Variants in RAPGEF6 observed in about 807,000 individuals in gnomAD.
The protein encoded by RAPGEF6 is Rap guanine nucleotide exchange factor 6, also known as PDZ domain containing guanine nucleotide exchange factor (GEF) 2.
In RAPGEF6, 56 loss-of-function variants were observed where a neutral mutation model predicts 171.4. The observed-to-expected ratio is 0.33, with a 90% CI of 0.26 to 0.41. The LOEUF is 0.41. Among genes scored for constraint, RAPGEF6 ranks in the 10% least tolerant of loss-of-function variants. The probability of loss-of-function intolerance (pLI) is 1.00; values close to 1 mark genes in which losing one functional copy is unlikely to be tolerated. For missense variants in RAPGEF6, 1,674 were observed against 1,921.4 expected (o/e 0.87, Z 2.41); for synonymous variants, 692 against 650.1 (o/e 1.06, Z -0.98).
At chr5:131,624,190 A>G (rs1765766667) in intron 1 of RAPGEF6, among the ~76,000 whole-genome samples, 1 of 152,244 alleles carries the variant, frequency 6.6e-6, no homozygotes, top group Non-Finnish European at 1.5e-5. Context: ...GGTCCACACA[A>G]GAATCCCAAA....
At chr5:131,600,186 C>A (rs1053645302) in intron 3 of RAPGEF6, among the ~76,000 whole-genome samples, 3 of 152,152 alleles carry the variant, frequency 2.0e-5, no homozygotes, top group Non-Finnish European at 4.4e-5. Context: ...ATAATTAAAT[C>A]TTTTATGAAA....
At chr5:131,492,949 G>A (rs763319024) in intron 13 of RAPGEF6, among the ~76,000 whole-genome samples, 164 bp from the exon 14 acceptor site, 69 of 152,224 alleles carry the variant, frequency 4.5e-4, no homozygotes, top group Non-Finnish European at 5.4e-4. Context: ...CTCTCAACAA[G>A]ATTTCTAAAT....
At position 131,498,483 on chromosome 5, in the gene RAPGEF6, T is replaced by C; in HGVS notation, c.1379A>G (p.Lys460Arg). The C allele has an allele frequency of 3.1e-6, 5 of 1,613,736 alleles. No individual in the cohort carries two copies. The highest frequency in any genetic ancestry group is 4.2e-6 in the Non-Finnish European group (5 of 1,179,884). The change falls in exon 12 of 28, where the codon AAA becomes AGA. Residue 460 changes from lysine (K) to arginine (R), a missense_variant. Physicochemically the swap from Lys to Arg is conservative, Grantham distance 26. Around this residue, in one of 3 missense-constraint regions of RAPGEF6, gnomAD observed 1,116 missense variants for 1,321.5 expected, o/e 0.84. Transcript: ENST00000509018. ...GTCGATCTTAAACCATTCCAATAGT[T>C]TGATCCCAACATCCAAAGGACTTTC... ...FLESPLDVGI[K>R]LLEWFKIDSL...
At chr5:131,629,056 C>T (rs1220300533) in intron 1 of RAPGEF6, among the ~76,000 whole-genome samples, 1 of 152,124 alleles carries the variant, frequency 6.6e-6, no homozygotes, top group East Asian at 1.9e-4. Flanking sequence ...AAGTTTCAAC[C>T]TTCAAGTCTT....
intron 4 of RAPGEF6, among the ~76,000 whole-genome samples, chr5:131,571,409 CTGT>C: frequency 6.6e-6 from 1 of 152,204 alleles, no homozygotes; most frequent in East Asian, 1.9e-4. Context: ...AGAAATGAAG[CTGT>C]TTATTCACAG....
intron 27 of RAPGEF6, among the ~76,000 whole-genome samples, chr5:131,428,573 G>A (rs1751508502): frequency 6.6e-6 from 1 of 151,532 alleles, no homozygotes; most frequent in South Asian, 2.1e-4. Flanking sequence ...CAATTCTCCT[G>A]CCTCAGCCTC....
chr5:131,543,967 G>T (rs527987117), intron 6 of RAPGEF6, among the ~76,000 whole-genome samples: 1 of 151,964 alleles, frequency 6.6e-6, no homozygotes, highest in Non-Finnish European at 1.5e-5. Flanking sequence ...GCTCAACACC[G>T]TAAGTCATCA....
chr5:131,535,706 G>A (rs945726250), intron 6 of RAPGEF6, among the ~76,000 whole-genome samples: 10 of 152,128 alleles, frequency 6.6e-5, no homozygotes, highest in African/African-American at 2.4e-4. Flanking sequence ...TAAATGCCAT[G>A]TAGTTATTAA....
chr5:131,552,874 G>A (rs879526872), intron 5 of RAPGEF6, among the ~76,000 whole-genome samples: 1 of 152,070 alleles, frequency 6.6e-6, no homozygotes, highest in Non-Finnish European at 1.5e-5. Context: ...CATCATGTAA[G>A]AAGCAAGACA....
chr5:131,495,790 G>C, intron 12 of RAPGEF6, 130 bp from the exon 13 acceptor site: 2 of 1,343,542 alleles, frequency 1.5e-6, no homozygotes, highest in African/African-American at 3.0e-5. Context: ...TGTAAAAAAG[G>C]CTCATTCTAA....
At chr5:131,613,819 C>G (rs1765093769) in intron 1 of RAPGEF6, among the ~76,000 whole-genome samples, 1 of 152,076 alleles carries the variant, frequency 6.6e-6, no homozygotes, top group Non-Finnish European at 1.5e-5. Context: ...TTTCCAACCT[C>G]CCATACAACA....
At chr5:131,603,893 T>C (rs181167998) in intron 2 of RAPGEF6, among the ~76,000 whole-genome samples, 266 of 152,190 alleles carry the variant, frequency 1.7e-3, no homozygotes, top group African/African-American at 4.5e-3. Context: ...AGAAACTTGA[T>C]GAAAACCCAG....
At chr5:131,578,789 C>A (rs1233354645) in intron 4 of RAPGEF6, among the ~76,000 whole-genome samples, 1 of 152,150 alleles carries the variant, frequency 6.6e-6, no homozygotes, top group African/African-American at 2.4e-5. Context: ...TCATTATTGA[C>A]AAACTAAAAA....
intron 16 of RAPGEF6, among the ~76,000 whole-genome samples, chr5:131,479,179 A>C (rs1012743174): frequency 3.3e-5 from 5 of 152,188 alleles, no homozygotes; most frequent in African/African-American, 4.8e-5. Flanking sequence ...AAAAAAAAAA[A>C]ACTGGTGAAT....
chr5:131,610,629 G>C (rs774561082), intron 1 of RAPGEF6, among the ~76,000 whole-genome samples: 1 of 152,144 alleles, frequency 6.6e-6, no homozygotes, highest in Non-Finnish European at 1.5e-5. Flanking sequence ...AAGCCACTGA[G>C]ACCTGCAGAG....
At chr5:131,485,411 T>G (rs1236913043) in intron 15 of RAPGEF6, among the ~76,000 whole-genome samples, 1 of 152,204 alleles carries the variant, frequency 6.6e-6, no homozygotes, top group Non-Finnish European at 1.5e-5. Context: ...GAACTTTAGA[T>G]GGCTGTGAGC....
Position 131,495,646 on chromosome 5 carries a change from T to A in RAPGEF6, c.1434A>T (p.Val478=). The A allele has an allele frequency of 6.2e-7, 1 of 1,613,286 alleles. No individual in the cohort carries two copies. The highest frequency in any genetic ancestry group is 8.5e-7 in the Non-Finnish European group (1 of 1,179,544). The part of the protein sequence containing the change: ...DSLRDKVTRI[V]LLWVNNHFND... ...TAAAATGATTATTTACCCATAATAA[T>A]ACAATCCGTGTCACCTGTGGAAACA... The change falls in exon 13 of 28, where the codon GTA becomes GTT. Residue 478 remains valine (V), a synonymous_variant. Coordinates refer to ENST00000509018, the MANE Select transcript of RAPGEF6 (RefSeq NM_016340.6).
intron 4 of RAPGEF6, among the ~76,000 whole-genome samples, chr5:131,564,649 T>C (rs1241309976): frequency 2.0e-5 from 3 of 151,260 alleles, no homozygotes; most frequent in African/African-American, 7.3e-5. Flanking sequence ...AACAGGAAAA[T>C]ATAATCCATA....
chr5:131,536,440 G>A (rs919450275), intron 6 of RAPGEF6, among the ~76,000 whole-genome samples: 2 of 152,132 alleles, frequency 1.3e-5, no homozygotes, highest in African/African-American at 4.8e-5. Flanking sequence ...AAGGAGGGGA[G>A]GCAAGAGTAC....
Sources: gnomAD v4.1 joint callset for allele counts (sites outside exome capture counted in the v4.1 genomes callset) on GRCh38, gnomAD v4.1.1 for gene constraint, gnomAD v4.1.1 regional missense constraint, MANE v1.5 for transcripts, NCBI Gene and HGNC (gene_info 2026-07-23, HGNC 2026-07-21) for gene names.